TMC6: variants seen among roughly 807,000 people sequenced by gnomAD.
The protein encoded by TMC6 is transmembrane channel like 6.
TMC6 carries 71 observed loss-of-function variants against 95.4 expected under a neutral mutation model. That is an observed-to-expected ratio of 0.74 (90% confidence interval 0.61 to 0.91). The LOEUF (loss-of-function observed/expected upper bound fraction) is 0.91. Ranked by LOEUF, TMC6 falls within the 40% of genes least tolerant of loss-of-function variation. TMC6 has a pLI of 0.00. For missense variants in TMC6, 1,074 were observed against 1,079.1 expected (o/e 1.00, Z 0.07); for synonymous variants, 514 against 483.1 (o/e 1.06, Z -0.84).
chr17:78,126,283 T>C lies in TMC6; in HGVS notation c.265A>G (p.Thr89Ala), dbSNP rs751985955. The C allele has an allele frequency of 6.4e-7, 1 of 1,558,622 alleles. No individual in the cohort carries two copies. The highest frequency in any genetic ancestry group is 1.2e-5 in the South Asian group (1 of 85,176). ...LRILASMPSR[T>A]IGRSRGAIIS... ...GGCTGAGGGTCCCACTCACCAATGG[T>C]GCGGCTGGGCATGCTGGCCAGGATG... The change falls in exon 4 of 20, where the codon ACC (threonine) becomes GCC (alanine). Residue 89 changes from threonine to alanine, a missense_variant. By Grantham distance (58) the Thr-to-Ala change is moderately conservative. Transcript: ENST00000590602.
chr17:78,113,715 A>C, intron 18 of TMC6, 91 bp from the exon 19 acceptor site: 27 of 1,336,424 alleles, frequency 2.0e-5, no homozygotes, highest in Non-Finnish European at 2.7e-5. Flanking sequence ...GGGAAAACTC[A>C]CGAGGTGTAT....
intron 4 of TMC6, 103 bp downstream of exon 4, chr17:78,126,174 A>G: frequency 6.9e-7 from 1 of 1,449,650 alleles, no homozygotes; most frequent in South Asian, 1.3e-5. Context: ...CTACGGGAGC[A>G]GCCACTACCC....
chr17:78,127,382 C>G (rs3813027), intron 1 of TMC6, among the ~76,000 whole-genome samples: 17,535 of 152,230 alleles, frequency 0.12, 1,674 homozygotes, highest in African/African-American at 0.26. Context: ...CCAACCAGCC[C>G]CAGGCGGAAG....
Position 78,113,530 on chromosome 17 carries a change from C to A in TMC6, c.2354+18G>T. 1 of 1,613,598 alleles carries A rather than the reference C, an allele frequency of 6.2e-7. No individual in the cohort carries two copies. The highest frequency in any genetic ancestry group is 8.5e-7 in the Non-Finnish European group (1 of 1,179,664). On this transcript the variant is annotated intron_variant, in intron 19 of 19. Transcript: ENST00000590602. ...CCTCCAGGCTCAGAGTGTCCCCAAT[C>A]CCTCCACGGACCCTCACCTGCTCCT...
At chr17:78,130,249 G>A (rs919063989), upstream of TMC6, among the ~76,000 whole-genome samples, 2 of 152,216 alleles carry the variant, frequency 1.3e-5, no homozygotes, top group Non-Finnish European at 2.9e-5. Flanking sequence ...AAGTACAGCA[G>A]TAACACCAAG....
rs949354137 is a variant in TMC6, at chr17:78,117,923, C to T, written c.1900G>A (p.Ala634Thr). 4 of 1,601,666 alleles carry T rather than the reference C, an allele frequency of 2.5e-6. No individual in the cohort carries two copies. The African/African-American group carries it at 4.0e-5, about 16-fold the overall frequency. Residue 634 changes from alanine to threonine, a missense_variant, in exon 16 of 20, where the codon GCC becomes ACC. Transcript: ENST00000590602. Reference sequence around the variant, plus strand: ...GGCCGGCGCGGCGCCTGGCAGTTGGCCAGAAGGCTGGTCTGTGGGGAAAGG... The same window carrying T: ...GGCCGGCGCGGCGCCTGGCAGTTGGTCAGAAGGCTGGTCTGTGGGGAAAGG... ...VFYVKKTSLL[A>T]NCQAPRRPWL...
rs1042543446 is a variant in TMC6 at position 78,110,625 on chromosome 17, T to G, written c.*2523A>C. The G allele has an allele frequency of 1.3e-5, 2 of 151,708 alleles. No individual in the cohort carries two copies. Among genetic ancestry groups the G allele is most frequent in the Non-Finnish European group, 2.9e-5 (2 of 67,972 alleles). The allele number at this position is 151,708 out of a possible 1,614,324, so 9.4% of individuals were successfully genotyped here. ...GTTGTGCAGCCCAGGCCGAGAAGCA[T>G]CGCGGAGTCTTGTCATTCAGCCTGA... On this transcript the variant is annotated 3_prime_UTR_variant, in exon 20 of 20. Coordinates refer to ENST00000590602, the MANE Select transcript of TMC6 (RefSeq NM_001127198.5).
chr17:78,129,644 C>T (rs1445388824), upstream of TMC6, among the ~76,000 whole-genome samples: 1 of 152,100 alleles, frequency 6.6e-6, no homozygotes, highest in Non-Finnish European at 1.5e-5. This position sits in a 1 kb window ranked among gnomAD's most constrained non-coding sequence, Gnocchi z 4.3. Context: ...CAAGCAAAAG[C>T]GAGGACCAGG....
At position 78,120,830 on chromosome 17, in the gene TMC6, T is replaced by A. The variant is rs757672687; in HGVS notation, c.1538A>T (p.Asn513Ile). ...CAGGATGGCCAGCTTGAGGATGAGGTTCCTGCGGAGGGCGGGGTGCAAAGG... is the reference window on the plus strand; with the variant it reads ...CAGGATGGCCAGCTTGAGGATGAGGATCCTGCGGAGGGCGGGGTGCAAAGG... ...VLEVYVAICR[N>I]LILKLAILGT... The change falls in exon 13 of 20, where the codon AAC (asparagine) becomes ATC (isoleucine). Residue 513 changes from asparagine (N) to isoleucine (I), a missense_variant and splice_region_variant. Asn to Ile is a moderately radical substitution (Grantham distance 149). Coordinates refer to ENST00000590602, the MANE Select transcript of TMC6 (RefSeq NM_001127198.5). The A allele has an allele frequency of 6.2e-7, 1 of 1,612,082 alleles. No homozygotes were observed. Among genetic ancestry groups the A allele is most frequent in the East Asian group, 2.2e-5 (1 of 44,856 alleles).
At chr17:78,124,853 G>T in intron 7 of TMC6, 36 bp downstream of exon 7, 1 of 1,582,494 alleles carries the variant, frequency 6.3e-7, no homozygotes. Context: ...GCCCTGCCCA[G>T]CCGCCCCAGC....
chr17:78,131,768 T>TG (rs571238694), upstream of TMC6: 115,192 of 1,560,816 alleles, frequency 0.074, 4,700 homozygotes, highest in African/African-American at 0.17. Context: ...AGACGGTGCG[T>TG]GGGGGGGGTG....
At chr17:78,117,689 C>T in intron 16 of TMC6, 45 bp from the exon 17 acceptor site, 7 of 1,554,486 alleles carry the variant, frequency 4.5e-6, no homozygotes, top group Non-Finnish European at 6.1e-6. Flanking sequence ...AGCAACAGTT[C>T]ACCCGGCTCC....
rs1480820819 is a variant in TMC6, at chr17:78,113,602, A to G, written c.2300T>C (p.Leu767Ser). The G allele has an allele frequency of 1.2e-6, 2 of 1,613,938 alleles. No homozygotes were observed. Among genetic ancestry groups the G allele is most frequent in the East Asian group, 2.2e-5 (1 of 44,884 alleles). The change falls in exon 19 of 20, where the codon TTA becomes TCA. Residue 767 changes from leucine to serine, a missense_variant. By Grantham distance (145) the Leu-to-Ser change is moderately radical. Coordinates refer to ENST00000590602, the MANE Select transcript of TMC6 (RefSeq NM_001127198.5). ...ISNEGEDKIF[L>S]INKLHSIYER... ...GTAGATGGAGTGAAGCTTGTTGATT[A>G]AGAAGATTTTGTCCTCACCCTCCTA...
At position 78,121,654 on chromosome 17, in the gene TMC6, G is replaced by A. The variant is rs748800265; in HGVS notation, c.1285C>T (p.Arg429Trp). The A allele has an allele frequency of 7.5e-6, 12 of 1,604,404 alleles. No homozygotes were observed. Among genetic ancestry groups the A allele is most frequent in the African/African-American group, 1.3e-5 (1 of 74,934 alleles). ...HSPRSVCGRL[R>W]QAAVLGLVWL... The stretch of plus-strand genomic sequence containing the variant: ...ACAAGCCCCAGCACAGCCGCCTGCC[G>A]CAGCCTCCCGCACACGCTCCTGGGG... Residue 429 changes from arginine (R) to tryptophan (W), a missense_variant, in exon 11 of 20, where the codon CGG becomes TGG. By Grantham distance (101) the Arg-to-Trp change is moderately radical. Coordinates refer to ENST00000590602, the MANE Select transcript of TMC6 (RefSeq NM_001127198.5). The surrounding 1 kb of genome is among the most constrained non-coding windows in gnomAD (Gnocchi z 5.6).
chr17:78,114,020 G>A (rs755635763), intron 18 of TMC6: 17 of 327,776 alleles, frequency 5.2e-5, no homozygotes, highest in African/African-American at 8.6e-5. Flanking sequence ...TGCTGCTGTC[G>A]TAACGAACTG....
chr17:78,130,463 G>A (rs754411837), upstream of TMC6, among the ~76,000 whole-genome samples: 3 of 152,230 alleles, frequency 2.0e-5, no homozygotes, highest in Non-Finnish European at 4.4e-5. Flanking sequence ...GAGGGCCTCA[G>A]CTGCAGGCTG....
intron 14 of TMC6, 37 bp from the exon 15 acceptor site, chr17:78,119,083 GCCCTC>G (rs1404009622): frequency 6.4e-7 from 1 of 1,552,314 alleles, no homozygotes; most frequent in Admixed American, 1.9e-5. Context: ...CTGCTCCAGT[GCCCTC>G]CCCTCCCCGA....
Position 78,121,190 on chromosome 17 carries a change from A to C in TMC6, c.1384-26T>G. 1 of 1,563,380 alleles carries C rather than the reference A, an allele frequency of 6.4e-7. No individual in the cohort carries two copies. Among genetic ancestry groups the C allele is most frequent in the African/African-American group, 1.4e-5 (1 of 73,562 alleles). Reference sequence around the variant, plus strand: ...CTGCAGGGGTGCAGGGAGCGGTGTCATGGAAGCCCCCCATCCATGGTGGGA... The same window carrying C: ...CTGCAGGGGTGCAGGGAGCGGTGTCCTGGAAGCCCCCCATCCATGGTGGGA... On this transcript the variant is annotated intron_variant, in intron 11 of 19. Transcript: ENST00000590602. The surrounding 1 kb of genome is among the most constrained non-coding windows in gnomAD (Gnocchi z 5.6).
chr17:78,119,603 G>C lies in TMC6; in HGVS notation c.1716-211C>G, dbSNP rs113561942. Among the ~76,000 whole-genome samples, 1,153 of 152,264 alleles carry C rather than the reference G, an allele frequency of 7.6e-3. 14 individuals are homozygous for C. The highest frequency in any genetic ancestry group is 0.026 in the African/African-American group (1,094 of 41,528). The stretch of plus-strand genomic sequence containing the variant: ...TCCTAAGTAGGTTCGGATACACCCG[G>C]AGTTAAACAAGCAGTATCAGCTCCA... On this transcript the variant is annotated intron_variant, in intron 13 of 19. Transcript: ENST00000590602.
Sources: gnomAD v4.1 joint callset for allele counts (sites outside exome capture counted in the v4.1 genomes callset) on GRCh38, gnomAD v4.1.1 for gene constraint, Gnocchi (gnomAD v3.1) non-coding constraint, MANE v1.5 for transcripts, NCBI Gene and HGNC (gene_info 2026-07-23, HGNC 2026-07-21) for gene names.